EIPR1: variants seen among roughly 807,000 people sequenced by gnomAD.
EIPR1 encodes the protein EARP and GARP complex-interacting protein 1.
A neutral mutation model predicts 48.1 loss-of-function variants in EIPR1; 25 were observed. The ratio of observed to expected loss-of-function variants is 0.52; its 90% CI spans 0.38 to 0.73. The LOEUF (loss-of-function observed/expected upper bound fraction) is 0.73, where lower values mean the gene tolerates loss of function less well. Among genes scored for constraint, EIPR1 ranks in the 30% least tolerant of loss-of-function variants. The probability of loss-of-function intolerance (pLI) is 0.00; values close to 1 mark genes in which losing one functional copy is unlikely to be tolerated. For missense variants in EIPR1, 415 were observed against 506.2 expected (o/e 0.82, Z 1.73); for synonymous variants, 204 against 201.9 (o/e 1.01, Z -0.09).
rs373200878 is a variant in EIPR1, at chr2:3,257,052, C to T, written c.416+247G>A. ...CCCTTTACCCTCTGGCAGGTCCCCA[C>T]GGGCAACACTCCTCTTAGATGAAGA... On this transcript the variant is annotated intron_variant, in intron 4 of 8. Transcript: ENST00000382125. Among the ~76,000 whole-genome samples the T allele has an allele frequency of 3.7e-4, 57 of 152,314 alleles. 1 individual carries two copies. The East Asian group carries it at 9.3e-3, about 25-fold the overall frequency.
chr2:3,233,626 T>C (rs1558240074), intron 4 of EIPR1, among the ~76,000 whole-genome samples: 1 of 152,210 alleles, frequency 6.6e-6, no homozygotes, highest in East Asian at 1.9e-4. Flanking sequence ...TTCTAACAAC[T>C]AGGAAGTTTG....
chr2:3,354,341 CAG>C (rs1401959926), intron 2 of EIPR1, among the ~76,000 whole-genome samples: 4 of 152,174 alleles, frequency 2.6e-5, no homozygotes, highest in African/African-American at 9.7e-5. Context: ...TCATGCCAAA[CAG>C]AGGAAGTTTA....
At chr2:3,243,371 T>C (rs1446280924) in intron 4 of EIPR1, among the ~76,000 whole-genome samples, 7 of 151,262 alleles carry the variant, frequency 4.6e-5, no homozygotes, top group Non-Finnish European at 8.9e-5. Context: ...GGCTCACACC[T>C]GTAATCCCAG....
chr2:3,237,571 G>A (rs192827681), intron 4 of EIPR1, among the ~76,000 whole-genome samples: 16 of 152,304 alleles, frequency 1.1e-4, no homozygotes, highest in South Asian at 2.1e-4. Context: ...TCAGGGGTCC[G>A]CTAGGGTCTT....
intron 3 of EIPR1, among the ~76,000 whole-genome samples, chr2:3,269,585 CA>C (rs1667630460): frequency 5.3e-5 from 2 of 37,400 alleles, no homozygotes; most frequent in East Asian, 1.4e-3. Flanking sequence ...TCATCGCACT[CA>C]ATCATCGCAC....
At chr2:3,298,519 A>G (rs1055712345) in intron 3 of EIPR1, 3 of 152,230 alleles carry the variant, frequency 2.0e-5, no homozygotes, top group Middle Eastern at 3.4e-3. Context: ...TCCTGATAGT[A>G]TCTAGGATCT....
intron 2 of EIPR1, among the ~76,000 whole-genome samples, chr2:3,342,857 T>A (rs767369612): frequency 2.6e-5 from 4 of 152,240 alleles, no homozygotes; most frequent in Non-Finnish European, 5.9e-5. Context: ...TTATGGTTGA[T>A]TCATAGAGTA....
chr2:3,256,219 G>A (rs1477509726), intron 4 of EIPR1, among the ~76,000 whole-genome samples: 1 of 152,196 alleles, frequency 6.6e-6, no homozygotes, highest in South Asian at 2.1e-4. Context: ...CATACCTGAC[G>A]AGGGAAACCT....
intron 5 of EIPR1, among the ~76,000 whole-genome samples, chr2:3,200,140 G>A (rs1291924321): frequency 6.6e-6 from 1 of 152,084 alleles, no homozygotes; most frequent in African/African-American, 2.4e-5. Flanking sequence ...GAATCGCTTG[G>A]ACAGGGGCAC....
At chr2:3,296,105 TAC>T (rs201528992) in intron 3 of EIPR1, among the ~76,000 whole-genome samples, 1 of 92,016 alleles carries the variant, frequency 1.1e-5, no homozygotes, top group African/African-American at 4.3e-5. Context: ...CCATCCTCTC[TAC>T]ACACACACCC....
chr2:3,234,768 C>A (rs981483719), intron 4 of EIPR1, among the ~76,000 whole-genome samples: 21 of 152,230 alleles, frequency 1.4e-4, no homozygotes, highest in African/African-American at 5.1e-4. Flanking sequence ...CCTGCCCTTG[C>A]ACTGGAAGAT....
At chr2:3,236,545 G>C (rs1666411485) in intron 4 of EIPR1, among the ~76,000 whole-genome samples, 1 of 152,180 alleles carries the variant, frequency 6.6e-6, no homozygotes. Flanking sequence ...ACACAACTCG[G>C]GCCAGGGAAC....
chr2:3,258,867 C>T (rs942488967), intron 3 of EIPR1, among the ~76,000 whole-genome samples: 1 of 152,162 alleles, frequency 6.6e-6, no homozygotes, highest in South Asian at 2.1e-4. Context: ...AATGTTCACA[C>T]TTCCAACTTT....
chr2:3,261,254 C>A (rs184278946), intron 3 of EIPR1, among the ~76,000 whole-genome samples: 1 of 152,114 alleles, frequency 6.6e-6, no homozygotes, highest in Non-Finnish European at 1.5e-5. Context: ...ACAGACAAGG[C>A]ATTCAAGGAG....
intron 3 of EIPR1, among the ~76,000 whole-genome samples, chr2:3,261,513 C>CAAAGGG (rs1667334792): frequency 6.6e-6 from 1 of 152,156 alleles, no homozygotes; most frequent in Non-Finnish European, 1.5e-5. Flanking sequence ...AATGATTACC[C>CAAAGGG]TAGTCTGTAC....
chr2:3,359,199 A>G (rs1572483855), intron 1 of EIPR1, among the ~76,000 whole-genome samples: 1 of 152,256 alleles, frequency 6.6e-6, no homozygotes, highest in South Asian at 2.1e-4. Flanking sequence ...GCTCAAAGTT[A>G]GACAGAAGGC....
At chr2:3,336,369 C>A (rs1256593888) in intron 3 of EIPR1, among the ~76,000 whole-genome samples, 4 of 152,200 alleles carry the variant, frequency 2.6e-5, no homozygotes, top group African/African-American at 9.6e-5. Flanking sequence ...GACCCCCAAC[C>A]TCCCGCTGGC....
chr2:3,195,023 A>G (rs368888965), intron 6 of EIPR1, among the ~76,000 whole-genome samples: 1 of 152,258 alleles, frequency 6.6e-6, no homozygotes, highest in African/African-American at 2.4e-5. Context: ...ACACATGCAC[A>G]CATCTATGCA....
At chr2:3,364,507 C>T (rs536547253) in intron 1 of EIPR1, among the ~76,000 whole-genome samples, 1 of 151,994 alleles carries the variant, frequency 6.6e-6, no homozygotes, top group South Asian at 2.1e-4. Flanking sequence ...TGATGATGCA[C>T]ACCTGTAGTC....
Sources: allele counts gnomAD v4.1 joint callset (sites outside exome capture counted in the v4.1 genomes callset), GRCh38; gene constraint gnomAD v4.1.1; transcripts MANE v1.5; gene names NCBI Gene and HGNC (gene_info 2026-07-23, HGNC 2026-07-21).